Variants in SNAPC4 observed in about 807,000 individuals in gnomAD.
The protein encoded by SNAPC4 is snRNA-activating protein complex subunit 4.
Under a neutral mutation model 151.3 loss-of-function variants are expected in SNAPC4, and 127 were observed. The observed-to-expected ratio is 0.84, with a 90% CI of 0.73 to 0.97. The LOEUF is 0.97. SNAPC4 is among the 50% of genes least tolerant of loss of function. The pLI is 0.00. For synonymous variants in SNAPC4, 1,002 were observed against 824.4 expected (o/e 1.22, Z -3.69); for missense variants, 2,186 against 1,935.0 (o/e 1.13, Z -2.43).
In SNAPC4 at chr9:136,383,288, C is replaced by T. The variant is rs751191521; in HGVS notation, c.1881G>A (p.Pro627=). ...CGTGGGCCCTGGCAGGGACCTGCACCGGACTCGTCTCCTCTCCAGGAGCCG... is the reference window on the plus strand; with the variant it reads ...CGTGGGCCCTGGCAGGGACCTGCACTGGACTCGTCTCCTCTCCAGGAGCCG... ...TAAAPGEETS[P]VQVPARAHGP... The change falls in exon 16 of 24, where the codon CCG becomes CCA. Residue 627 remains proline (P), a synonymous_variant. Transcript: ENST00000684778. This position sits in a 1 kb window ranked among gnomAD's most constrained non-coding sequence, Gnocchi z 4.2. 7.4e-6 allele frequency: 12 copies of T among 1,612,086 alleles called. No homozygotes were observed. Among genetic ancestry groups the T allele is most frequent in the East Asian group, 6.7e-5 (3 of 44,876 alleles).
chr9:136,383,488 A>T lies in SNAPC4; in HGVS notation c.1681T>A (p.Ser561Thr), dbSNP rs1020425366. Residue 561 changes from serine to threonine, a missense_variant, in exon 16 of 24, where the codon TCC becomes ACC. Transcript: ENST00000684778. The surrounding 1 kb of genome is among the most constrained non-coding windows in gnomAD (Gnocchi z 4.2). Reference protein sequence around the residue: ...QAGEGDRALLSPQYMVPDMDL... With the variant: ...QAGEGDRALLTPQYMVPDMDL... ...ATGTCCGGGACCATGTACTGTGGGG[A>T]CAGCAGCGCTCTGTCACCCTCCCCG... is the stretch of plus-strand genomic sequence containing the variant. The T allele has an allele frequency of 6.4e-7, 1 of 1,568,958 alleles. No individual in the cohort carries two copies. The highest frequency in any genetic ancestry group is 1.4e-5 in the African/African-American group (1 of 73,858).
rs773561613 is a variant in SNAPC4, at chr9:136,379,154, C to T, written c.2673G>A (p.Lys891=). ...TCTCCTGAAGCAGCTCCGACACAGT[C>T]TTGGGCTTGGGCCGGGGGCCGGTTG... ...LASTGPRPKP[K]TVSELLQEKR... Residue 891 remains lysine (K), a synonymous_variant, in exon 22 of 24, where the codon AAG becomes AAA. Coordinates refer to ENST00000684778, the MANE Select transcript of SNAPC4 (RefSeq NM_003086.4). 1.4e-5 allele frequency: 22 copies of T among 1,584,800 alleles called. No individual in the cohort carries two copies. The Admixed American group carries it at 1.8e-4, about 13-fold the overall frequency.
chr9:136,379,703 A>G, intron 21 of SNAPC4, 134 bp downstream of exon 21: 2 of 849,404 alleles, frequency 2.4e-6, no homozygotes, highest in Non-Finnish European at 3.9e-6. Flanking sequence ...GTGGGACTCG[A>G]GGGAGCTCTG....
rs550422876 is a variant in SNAPC4 at position 136,378,387 on chromosome 9, G to A, written c.3440C>T (p.Ser1147Phe). The A allele has an allele frequency of 3.9e-4, 631 of 1,610,406 alleles. 1 individual carries two copies. In the South Asian group the frequency reaches 6.5e-3, roughly 17 times the overall value. Reference protein sequence around the residue: ...PANMNREPEPSCRTDTPAPPT... With the variant: ...PANMNREPEPFCRTDTPAPPT... The stretch of plus-strand genomic sequence containing the variant: ...AGGAGCTGGGGTGTCTGTCCTGCAG[G>A]AAGGCTCCGGTTCCCTGTTCATATT... Residue 1147 changes from serine (S) to phenylalanine (F), a missense_variant, in exon 22 of 24, where the codon TCC (serine) becomes TTC (phenylalanine). Ser to Phe is a radical substitution (Grantham distance 155). Coordinates refer to ENST00000684778, the MANE Select transcript of SNAPC4 (RefSeq NM_003086.4).
At chr9:136,390,314 G>A (rs563859522) in intron 10 of SNAPC4, among the ~76,000 whole-genome samples, 16 of 152,124 alleles carry the variant, frequency 1.1e-4, no homozygotes, top group Non-Finnish European at 2.2e-4. Context: ...CCAGCACTTT[G>A]GGAGGCTGAG....
Position 136,380,849 on chromosome 9 carries a change from A to G in SNAPC4, c.2390T>C (p.Leu797Pro), listed in dbSNP as rs1833663208. The change falls in exon 20 of 24, where the codon CTG becomes CCG. Residue 797 changes from leucine to proline, a missense_variant and splice_region_variant. Leu to Pro is a moderately conservative substitution (Grantham distance 98, BLOSUM62 -3). Transcript: ENST00000684778. ...STPVFTLFTQ[L>P]FHIDTAGCLE... is the part of the protein sequence containing the mutation. Reference sequence around the variant, plus strand: ...GCAGCCGGCAGTATCGATGTGGAACAGCTGCGGGACACAGGAGGCAACCTA... The same window carrying G: ...GCAGCCGGCAGTATCGATGTGGAACGGCTGCGGGACACAGGAGGCAACCTA... 6.3e-7 allele frequency: 1 copy of G among 1,580,200 alleles called. No homozygotes were observed. Among genetic ancestry groups the G allele is most frequent in the Non-Finnish European group, 8.7e-7 (1 of 1,149,906 alleles).
In SNAPC4 at chr9:136,383,101, G is replaced by T; in HGVS notation, c.1983+85C>A. 2 of 1,474,982 alleles carry T rather than the reference G, an allele frequency of 1.4e-6. No individual in the cohort carries two copies. Among genetic ancestry groups the T allele is most frequent in the Non-Finnish European group, 9.0e-7 (1 of 1,116,906 alleles). 91.4% of individuals were successfully genotyped at this position (1,474,982 alleles called of 1,614,324 possible). A position where few individuals can be genotyped will look rare whatever the true frequency, so the allele number is the denominator to read the frequency against. ...GATGCACACGAACCCTGGGGCCCCT[G>T]CTGCTGCACTATCCCCAAGCGTCAG... is the stretch of plus-strand genomic sequence containing the variant. On this transcript the variant is annotated intron_variant, in intron 16 of 23. Transcript: ENST00000684778. This position sits in a 1 kb window ranked among gnomAD's most constrained non-coding sequence, Gnocchi z 4.2.
rs759088131 is a variant in SNAPC4 at position 136,383,585 on chromosome 9, A to ACTGCTGCTGCCG, written c.1572_1583dup (p.Ser528_Ser531dup). On this transcript the variant is annotated inframe_insertion, in exon 16 of 24. Coordinates refer to ENST00000684778, the MANE Select transcript of SNAPC4 (RefSeq NM_003086.4). This position sits in a 1 kb window ranked among gnomAD's most constrained non-coding sequence, Gnocchi z 4.2. ...TGCTGCTGCTCCCTCCACTGCTGCCACTGCTGCTGCCGCTGCTGCTGGTAG... is the reference window on the plus strand; with the variant it reads ...TGCTGCTGCTCCCTCCACTGCTGCCACTGCTGCTGCCGCTGCTGCTGCCGCTGCTGCTGGTAG... The ACTGCTGCTGCCG allele has an allele frequency of 5.0e-6, 8 of 1,609,788 alleles. No individual in the cohort carries two copies. Among genetic ancestry groups the ACTGCTGCTGCCG allele is most frequent in the African/African-American group, 2.7e-5 (2 of 74,800 alleles).
intron 2 of SNAPC4, 143 bp downstream of exon 2, chr9:136,398,156 C>T (rs1834339192): frequency 4.1e-6 from 3 of 728,168 alleles, no homozygotes; most frequent in Non-Finnish European, 6.6e-6. Context: ...AATGCTCTCA[C>T]CTCAGCCTCA....
At chr9:136,384,310 C>G (rs1407202075) in intron 14 of SNAPC4, among the ~76,000 whole-genome samples, 1 of 152,182 alleles carries the variant, frequency 6.6e-6, no homozygotes, top group Non-Finnish European at 1.5e-5. Context: ...TCCCCCCAGG[C>G]TTCCGCACCA....
intron 22 of SNAPC4, among the ~76,000 whole-genome samples, chr9:136,376,759 A>G (rs867538334): frequency 1.3e-5 from 2 of 152,168 alleles, no homozygotes; most frequent in South Asian, 2.1e-4. Context: ...GAGGCTGTAC[A>G]TGGATGGGGC....
chr9:136,389,921 C>T (rs534007681), intron 10 of SNAPC4, among the ~76,000 whole-genome samples: 2 of 152,184 alleles, frequency 1.3e-5, no homozygotes, highest in African/African-American at 4.8e-5. Flanking sequence ...AAGAATCTGG[C>T]GGGGGAAAGT....
chr9:136,376,958 G>C (rs1254901441), intron 22 of SNAPC4, among the ~76,000 whole-genome samples: 1 of 152,212 alleles, frequency 6.6e-6, no homozygotes, highest in Admixed American at 6.5e-5. Context: ...TCTCAGGGAG[G>C]CCAGCCTCCC....
intron 18 of SNAPC4, 21 bp from the exon 19 acceptor site, chr9:136,381,413 G>C: frequency 1.2e-6 from 2 of 1,605,716 alleles, no homozygotes; most frequent in Non-Finnish European, 1.7e-6. Context: ...AGGGGGATAA[G>C]TGGAAAGCAG....
At chr9:136,397,637 G>A (rs1336967893) in intron 2 of SNAPC4, among the ~76,000 whole-genome samples, 1 of 106,564 alleles carries the variant, frequency 9.4e-6, no homozygotes, top group South Asian at 3.9e-4. Flanking sequence ...TGGGGAGCAC[G>A]TGGGGAGGGG....
rs552475547 is a variant in SNAPC4 at position 136,396,959 on chromosome 9, G to A, written c.177+18C>T. The stretch of plus-strand genomic sequence containing the variant: ...CAGGCCTGACCCAGTGGCACAGCCA[G>A]ATCAGGCCAACAGTTACCGAGATCG... On this transcript the variant is annotated intron_variant, in intron 3 of 23. Coordinates refer to ENST00000684778, the MANE Select transcript of SNAPC4 (RefSeq NM_003086.4). The A allele has an allele frequency of 5.6e-5, 91 of 1,611,854 alleles. No homozygotes were observed. Among genetic ancestry groups the A allele is most frequent in the Non-Finnish European group, 7.4e-5 (87 of 1,179,038 alleles).
At chr9:136,388,761 C>T (rs529641210) in intron 10 of SNAPC4, among the ~76,000 whole-genome samples, 170 bp from the exon 11 acceptor site, 7 of 152,312 alleles carry the variant, frequency 4.6e-5, no homozygotes, top group South Asian at 2.1e-4. Flanking sequence ...GAGCACCCCA[C>T]GGTAGGAAGA....
At position 136,376,410 on chromosome 9, in the gene SNAPC4, G is replaced by C. The variant is rs147079941; in HGVS notation, c.4356C>G (p.Asp1452Glu). Residue 1452 changes from aspartate (D) to glutamate (E), a missense_variant, in exon 23 of 24, where the codon GAC (aspartate) becomes GAG (glutamate). By Grantham distance (45) the Asp-to-Glu change is conservative. Coordinates refer to ENST00000684778, the MANE Select transcript of SNAPC4 (RefSeq NM_003086.4). ...LDTSNDPDDL[D>E]VLRTRHARHT... Reference sequence around the variant, plus strand: ...GCCTGGCATGCCGGGTTCTGAGCACGTCCAGGTCGTCAGGGTCATTAGAAG... The same window carrying C: ...GCCTGGCATGCCGGGTTCTGAGCACCTCCAGGTCGTCAGGGTCATTAGAAG... 6.2e-7 allele frequency: 1 copy of C among 1,613,402 alleles called. No homozygotes were observed. Among genetic ancestry groups the C allele is most frequent in the South Asian group, 1.1e-5 (1 of 91,094 alleles).
At chr9:136,391,847 G>T in intron 10 of SNAPC4, 95 bp downstream of exon 10, 1 of 1,345,194 alleles carries the variant, frequency 7.4e-7, no homozygotes, top group Non-Finnish European at 1.0e-6. Context: ...CGGTGAGTGA[G>T]CACTGGGGAC....
Sources: gnomAD v4.1 joint callset for allele counts (sites outside exome capture counted in the v4.1 genomes callset) on GRCh38, gnomAD v4.1.1 for gene constraint, Gnocchi (gnomAD v3.1) non-coding constraint, MANE v1.5 for transcripts, NCBI Gene and HGNC (gene_info 2026-07-23, HGNC 2026-07-21) for gene names.